The following NTNG1 variants were observed in gnomAD, a reference collection of about 807,000 sequenced individuals.
NTNG1 encodes the protein netrin G1, also known as netrin-G1.
NTNG1 carries 16 observed loss-of-function variants against 54.0 expected under a neutral mutation model. That is an observed-to-expected ratio of 0.30 (90% CI 0.20 to 0.45). The LOEUF (loss-of-function observed/expected upper bound fraction) is 0.45. Ranked by LOEUF, NTNG1 falls within the 20% of genes least tolerant of loss-of-function variation. The pLI is 1.00. For missense variants in NTNG1, 530 were observed against 678.7 expected, an observed-to-expected ratio of 0.78 and a Z score of 2.43; for synonymous variants, 255 against 263.1, an observed-to-expected ratio of 0.97 and a Z score of 0.30.
chr1:107,258,516 C>T (rs1663084226), intron 2 of NTNG1, among the ~76,000 whole-genome samples: 1 of 152,116 alleles, frequency 6.6e-6, no homozygotes, highest in Non-Finnish European at 1.5e-5. Flanking sequence ...TTTATAATAA[C>T]AGCAAACACT....
intron 2 of NTNG1, among the ~76,000 whole-genome samples, chr1:107,283,608 T>C (rs1431185988): frequency 1.3e-5 from 2 of 152,232 alleles, no homozygotes; most frequent in Admixed American, 6.5e-5. Context: ...ATTTCAAATA[T>C]GTTAGCCGTA....
intron 2 of NTNG1, among the ~76,000 whole-genome samples, chr1:107,216,169 A>T (rs1486928271): frequency 6.6e-6 from 1 of 152,078 alleles, no homozygotes; most frequent in African/African-American, 2.4e-5. Flanking sequence ...TCTGGCTAGG[A>T]CTTCCAGTAC....
chr1:107,151,135 G>A (rs12079405), intron 2 of NTNG1, among the ~76,000 whole-genome samples: 23,352 of 152,166 alleles, frequency 0.15, 1,892 homozygotes, highest in African/African-American at 0.17. Flanking sequence ...TCCTTAATAT[G>A]CATATGATAG....
At chr1:107,444,138 C>T (rs1306382412) in intron 7 of NTNG1, among the ~76,000 whole-genome samples, 3 of 152,110 alleles carry the variant, frequency 2.0e-5, no homozygotes, top group African/African-American at 7.2e-5. Context: ...TGTGAAGTAT[C>T]TCTTGATTCA....
In NTNG1 at chr1:107,310,525, A is replaced by G. The variant is rs188257040; in HGVS notation, c.247-13757A>G. Among the ~76,000 whole-genome samples, 11 of 152,284 alleles carry G rather than the reference A, an allele frequency of 7.2e-5. No individual in the cohort carries two copies. In the East Asian group the frequency reaches 1.9e-3, roughly 27 times the overall value. On this transcript the variant is annotated intron_variant, in intron 2 of 7. Transcript: ENST00000370068. ...ATTCCAGTCTTACAGATAAGTGAAG[A>G]TCATATTTATTGTGGGTAACACACC...
At chr1:107,424,692 A>G (rs1414035820) in intron 5 of NTNG1, among the ~76,000 whole-genome samples, 1 of 152,110 alleles carries the variant, frequency 6.6e-6, no homozygotes, top group Non-Finnish European at 1.5e-5. Flanking sequence ...CAAGTTTAGG[A>G]AGGCAACCCA....
intron 7 of NTNG1, among the ~76,000 whole-genome samples, chr1:107,461,895 G>A (rs570762782): frequency 1.7e-4 from 26 of 152,230 alleles, no homozygotes; most frequent in African/African-American, 6.3e-4. Context: ...TGATATAGGA[G>A]TTTAAATTAA....
chr1:107,268,913 A>G (rs1361728833), intron 2 of NTNG1, among the ~76,000 whole-genome samples: 1 of 152,132 alleles, frequency 6.6e-6, no homozygotes, highest in East Asian at 1.9e-4. Flanking sequence ...TATATCTAGG[A>G]GCCAACCCTC....
At chr1:107,332,013 T>G (rs994441160) in intron 3 of NTNG1, among the ~76,000 whole-genome samples, 3 of 152,070 alleles carry the variant, frequency 2.0e-5, no homozygotes, top group Admixed American at 6.6e-5. Flanking sequence ...CATAAAACAT[T>G]GCTACTTAAC....
chr1:107,199,121 A>T (rs1658542629), intron 2 of NTNG1, among the ~76,000 whole-genome samples: 1 of 151,860 alleles, frequency 6.6e-6, no homozygotes, highest in African/African-American at 2.4e-5. Flanking sequence ...AAGATTTTAA[A>T]AGTGCACCCT....
At chr1:107,157,139 T>A (rs1655061851) in intron 2 of NTNG1, among the ~76,000 whole-genome samples, 1 of 152,204 alleles carries the variant, frequency 6.6e-6, no homozygotes, top group African/African-American at 2.4e-5. Context: ...AACAACTAAT[T>A]GGAAAGTATA....
intron 7 of NTNG1, among the ~76,000 whole-genome samples, chr1:107,466,553 T>C (rs1429495759): frequency 3.3e-5 from 5 of 152,194 alleles, no homozygotes; most frequent in African/African-American, 4.8e-5. Flanking sequence ...GAAAGTGAAA[T>C]GTGTTAGGAC....
At chr1:107,270,058 C>A (rs901285174) in intron 2 of NTNG1, among the ~76,000 whole-genome samples, 8 of 152,180 alleles carry the variant, frequency 5.3e-5, no homozygotes, top group Non-Finnish European at 1.2e-4. Context: ...TTATTTCAAG[C>A]TGGGCTTCTG....
At chr1:107,286,266 G>A (rs1035324608) in intron 2 of NTNG1, among the ~76,000 whole-genome samples, 1 of 152,104 alleles carries the variant, frequency 6.6e-6, no homozygotes, top group Non-Finnish European at 1.5e-5. Context: ...TTTTTGGTCT[G>A]CTACTTGCTA....
At chr1:107,335,208 G>A (rs1668510501) in intron 3 of NTNG1, among the ~76,000 whole-genome samples, 1 of 151,956 alleles carries the variant, frequency 6.6e-6, no homozygotes, top group Admixed American at 6.6e-5. Flanking sequence ...GAAAAGGAAT[G>A]AACTGCTCTC....
intron 7 of NTNG1, among the ~76,000 whole-genome samples, chr1:107,477,536 C>T (rs912032474): frequency 1.3e-5 from 2 of 152,190 alleles, no homozygotes; most frequent in African/African-American, 2.4e-5. Context: ...CAATACAGTA[C>T]ACTTTCACAT....
At chr1:107,283,088 T>G (rs1430516221) in intron 2 of NTNG1, among the ~76,000 whole-genome samples, 2 of 152,074 alleles carry the variant, frequency 1.3e-5, no homozygotes, top group African/African-American at 4.8e-5. Flanking sequence ...GTGGTTAGGT[T>G]TCAACATATA....
chr1:107,430,810 T>C lies in NTNG1; in HGVS notation c.1148T>C (p.Ile383Thr). ...CSYIDLLNTV[I>T]CVSCKHNTRG... The stretch of plus-strand genomic sequence containing the variant: ...TATATCGATCTGCTAAATACAGTCA[T>C]TTGCGTGAGCTGTAAACACAACACT... The change falls in exon 6 of 8, where the codon ATT (isoleucine) becomes ACT (threonine). Residue 383 changes from isoleucine to threonine, a missense_variant. Ile to Thr is a moderately conservative substitution (Grantham distance 89, BLOSUM62 -1). Coordinates refer to ENST00000370068, the MANE Select transcript of NTNG1 (RefSeq NM_001113226.3). 6.2e-7 allele frequency: 1 copy of C among 1,613,294 alleles called. No homozygotes were observed. The highest frequency in any genetic ancestry group is 1.1e-5 in the South Asian group (1 of 91,058).
chr1:107,192,557 A>T (rs573714525), intron 2 of NTNG1, among the ~76,000 whole-genome samples: 5 of 151,394 alleles, frequency 3.3e-5, no homozygotes, highest in Admixed American at 1.3e-4. Flanking sequence ...TCCCCTTTCA[A>T]CTCACAGGGG....
Sources: gnomAD v4.1 joint callset for allele counts (sites outside exome capture counted in the v4.1 genomes callset) on GRCh38, gnomAD v4.1.1 for gene constraint, MANE v1.5 for transcripts, NCBI Gene and HGNC (gene_info 2026-07-23, HGNC 2026-07-21) for gene names.